RAC2: variants seen among roughly 807,000 people sequenced by gnomAD.
RAC2 encodes the protein ras-related C3 botulinum toxin substrate 2.
RAC2 carries 1 observed loss-of-function variant against 24.0 expected under a neutral mutation model. That is an observed-to-expected ratio of 0.04 (90% CI 0.01 to 0.20). The LOEUF (loss-of-function observed/expected upper bound fraction) is 0.20, where lower values mean the gene tolerates loss of function less well. Ranked by LOEUF, RAC2 falls within the 10% of genes least tolerant of loss-of-function variation. The probability of loss-of-function intolerance (pLI) is 1.00; values close to 1 mark genes in which losing one functional copy is unlikely to be tolerated. For synonymous variants in RAC2, 114 were observed against 106.8 expected (o/e 1.07, Z -0.41); for missense variants, 130 against 259.1 (o/e 0.50, Z 3.42).
At chr22:37,226,631 C>A in intron 6 of RAC2, 40 bp downstream of exon 6, 1 of 1,607,032 alleles carries the variant, frequency 6.2e-7, no homozygotes, top group Non-Finnish European at 8.5e-7. Context: ...CCAGGGCCTG[C>A]TGTGTATGGG....
Position 37,244,254 on chromosome 22 carries a change from G to C in RAC2, c.-106C>G, listed in dbSNP as rs1002870189. 1.5e-6 allele frequency: 2 copies of C among 1,292,526 alleles called. No individual in the cohort carries two copies. The highest frequency in any genetic ancestry group is 2.2e-6 in the Non-Finnish European group (2 of 910,524). 80.1% of individuals were successfully genotyped at this position (1,292,526 alleles called of 1,614,324 possible). ...GGTGAGGCGCCTGCTGAGGAGCAGCGGTGGTGGGGCAGGAGGAAACGGAAG... is the reference window on the plus strand; with the variant it reads ...GGTGAGGCGCCTGCTGAGGAGCAGCCGTGGTGGGGCAGGAGGAAACGGAAG... On this transcript the variant is annotated 5_prime_UTR_variant, in exon 1 of 7. Coordinates refer to ENST00000249071, the MANE Select transcript of RAC2 (RefSeq NM_002872.5).
chr22:37,232,157 C>A (rs1472117651), intron 3 of RAC2, among the ~76,000 whole-genome samples, 163 bp from the exon 4 acceptor site: 3 of 152,188 alleles, frequency 2.0e-5, no homozygotes, highest in Non-Finnish European at 4.4e-5. Context: ...CTCGCCTCTA[C>A]CACGAGGCTG....
Position 37,243,026 on chromosome 22 carries a change from G to A in RAC2, c.35+1088C>T, listed in dbSNP as rs146740448. ...ATTTTGTGTTTTTTTAAGAGACAGC[G>A]TCTTGCTCTGTCACCCAGGCTGACT... On this transcript the variant is annotated intron_variant, in intron 1 of 6. Transcript: ENST00000249071. 9.7e-4 allele frequency among the ~76,000 whole-genome samples: 147 copies of A among 152,262 alleles called. No homozygotes were observed. In the Middle Eastern group the frequency reaches 0.01, roughly 11 times the overall value.
chr22:37,229,979 C>T (rs1485764375), intron 5 of RAC2, among the ~76,000 whole-genome samples: 6 of 151,752 alleles, frequency 4.0e-5, no homozygotes, highest in African/African-American at 1.5e-4. Flanking sequence ...TGGAGAGCTG[C>T]ACCCTGAATA....
At chr22:37,232,318 G>T in intron 3 of RAC2, 1 of 473,114 alleles carries the variant, frequency 2.1e-6, no homozygotes, top group Non-Finnish European at 3.9e-6. Context: ...CGTGCACTCT[G>T]GTGAGGGGAG....
intron 5 of RAC2, among the ~76,000 whole-genome samples, chr22:37,227,462 A>G (rs117998449): frequency 0.73 from 246 of 336 alleles, 85 homozygotes; most frequent in Middle Eastern, 1. Context: ...AAGCCCTCCC[A>G]CGCCATACAC....
At chr22:37,229,912 A>G (rs1182460160) in intron 5 of RAC2, among the ~76,000 whole-genome samples, 1 of 152,202 alleles carries the variant, frequency 6.6e-6, no homozygotes, top group African/African-American at 2.4e-5. Flanking sequence ...CACCCTCCAC[A>G]TGATCCCAAA....
chr22:37,229,633 C>G (rs1273377748), intron 5 of RAC2, among the ~76,000 whole-genome samples: 1 of 152,208 alleles, frequency 6.6e-6, no homozygotes, highest in African/African-American at 2.4e-5. Context: ...GCCAGTCCCC[C>G]CAGGACTCCC....
chr22:37,228,742 G>A (rs144293335), intron 5 of RAC2, among the ~76,000 whole-genome samples: 1 of 152,314 alleles, frequency 6.6e-6, no homozygotes, highest in Non-Finnish European at 1.5e-5. Flanking sequence ...CGGGATGGCA[G>A]GAGGGGCAGC....
At chr22:37,241,234 G>A in intron 2 of RAC2, 1 of 753,748 alleles carries the variant, frequency 1.3e-6, no homozygotes. Flanking sequence ...TTGGAGTCAG[G>A]CTCTCTGGAT....
intron 2 of RAC2, among the ~76,000 whole-genome samples, chr22:37,238,149 C>A (rs964683574): frequency 1.3e-5 from 2 of 152,004 alleles, no homozygotes; most frequent in Non-Finnish European, 2.9e-5. Flanking sequence ...TCACGGTTTG[C>A]GCATTAAGAT....
intron 5 of RAC2, among the ~76,000 whole-genome samples, chr22:37,230,153 G>A (rs369662829): frequency 3.8e-4 from 58 of 152,176 alleles, no homozygotes; most frequent in African/African-American, 1.3e-3. Flanking sequence ...GGCCCCCGGG[G>A]AAGATGGCTG....
rs1209981588 is a variant in RAC2, at chr22:37,240,829, A to G, written c.107+758T>C. ...GGTGGATGTGGGGAGAAAAAGCACT[A>G]TGGGGAGAGAGAACAGCTTGAGCAA... On this transcript the variant is annotated intron_variant, in intron 2 of 6. Coordinates refer to ENST00000249071, the MANE Select transcript of RAC2 (RefSeq NM_002872.5). The G allele has an allele frequency of 7.7e-5, 45 of 587,154 alleles. No individual in the cohort carries two copies. In the East Asian group the frequency reaches 1.1e-3, roughly 14 times the overall value. 36.4% of individuals were successfully genotyped at this position (587,154 alleles called of 1,614,324 possible).
At chr22:37,241,031 CCT>C (rs1244150379) in intron 2 of RAC2, 1 of 717,908 alleles carries the variant, frequency 1.4e-6, no homozygotes, top group Non-Finnish European at 2.6e-6. Context: ...GATGGGGACC[CCT>C]GAGGGCTGGC....
intron 2 of RAC2, among the ~76,000 whole-genome samples, chr22:37,237,735 G>A (rs5756573): frequency 0.14 from 22,027 of 152,070 alleles, 2,134 homozygotes; most frequent in East Asian, 0.36. Context: ...AGGCAGTCAT[G>A]ACGGAGCAAC....
Position 37,231,852 on chromosome 22 carries a change from G to T in RAC2, c.288+80C>A. The T allele has an allele frequency of 4.0e-6, 6 of 1,481,808 alleles. No individual in the cohort carries two copies. In the South Asian group the frequency reaches 4.8e-5, roughly 12 times the overall value. 91.8% of individuals were successfully genotyped at this position (1,481,808 alleles called of 1,614,324 possible). On this transcript the variant is annotated intron_variant, in intron 4 of 6. Transcript: ENST00000249071. The surrounding 1 kb of genome is among the most constrained non-coding windows in gnomAD (Gnocchi z 5.5). ...GCGACCTCTGCTGCCCCAGGGACCA[G>T]CCTAGAGTCACCAGTTCCTCCCTCT...
intron 2 of RAC2, among the ~76,000 whole-genome samples, chr22:37,233,808 C>G (rs1288585160): frequency 6.6e-6 from 1 of 152,218 alleles, no homozygotes; most frequent in African/African-American, 2.4e-5. Flanking sequence ...CTGGGGCCAC[C>G]TGGGAGACAG....
At chr22:37,238,683 G>A (rs764086598) in intron 2 of RAC2, among the ~76,000 whole-genome samples, 4 of 152,300 alleles carry the variant, frequency 2.6e-5, no homozygotes, top group African/African-American at 4.8e-5. Flanking sequence ...CACCTAGCAC[G>A]GGGCCATCCA....
chr22:37,239,454 G>A (rs1927327445), intron 2 of RAC2, among the ~76,000 whole-genome samples: 2 of 152,246 alleles, frequency 1.3e-5, no homozygotes, highest in South Asian at 4.1e-4. Flanking sequence ...AGATCTGGTC[G>A]GGCCTATTTC....
Sources: allele counts gnomAD v4.1 joint callset (sites outside exome capture counted in the v4.1 genomes callset), GRCh38; gene constraint gnomAD v4.1.1; non-coding constraint Gnocchi (gnomAD v3.1); transcripts MANE v1.5; gene names NCBI Gene and HGNC (gene_info 2026-07-23, HGNC 2026-07-21).